The following HYOU1 variants were observed in gnomAD, a reference collection of about 807,000 sequenced individuals.
HYOU1 encodes hypoxia up-regulated protein 1.
In HYOU1, 40 loss-of-function variants were observed where a neutral mutation model predicts 120.5. That is an observed-to-expected ratio of 0.33 (90% CI 0.26 to 0.43). The LOEUF (loss-of-function observed/expected upper bound fraction) is 0.43, where lower values mean the gene tolerates loss of function less well. HYOU1 is among the 20% of genes least tolerant of loss of function. The probability of loss-of-function intolerance (pLI) is 1.00; values close to 1 mark genes in which losing one functional copy is unlikely to be tolerated. For synonymous variants in HYOU1, 501 were observed against 479.4 expected, an observed-to-expected ratio of 1.05 and a Z score of -0.59; for missense variants, 1,085 against 1,278.3, an observed-to-expected ratio of 0.85 and a Z score of 2.31.
At position 119,046,564 on chromosome 11, in the gene HYOU1, G is replaced by C; in HGVS notation, c.2834C>G (p.Ala945Gly). The C allele has an allele frequency of 6.2e-7, 1 of 1,613,834 alleles. No individual in the cohort carries two copies. The highest frequency in any genetic ancestry group is 1.1e-5 in the South Asian group (1 of 91,052). Residue 945 changes from alanine to glycine, a missense_variant and splice_region_variant, in exon 23 of 26, where the codon GCA becomes GGA. Coordinates refer to ENST00000617285, the MANE Select transcript of HYOU1 (RefSeq NM_006389.5). ...SDQGEKVIPP[A>G]GQTEDAEPIS... ...GCAGCCAGGTACCCTGTTCTCACCT[G>C]CTGGAGGGATGACCTTCTCCCCCTG... is the stretch of plus-strand genomic sequence containing the variant.
In HYOU1 at chr11:119,046,685, G is replaced by C. The variant is rs2133552372; in HGVS notation, c.2713C>G (p.Leu905Val). The change falls in exon 23 of 26, where the codon CTG becomes GTG. Residue 905 changes from leucine to valine, a missense_variant. This residue lies in a region of HYOU1 where 516 missense variants were observed against 517.1 expected (regional missense o/e 1.00). Transcript: ENST00000617285. ...MMALDREVQY[L>V]LNKAKFTKPR... Reference sequence around the variant, plus strand: ...TTGGTAAACTTGGCCTTATTGAGCAGATACTGCACCTCTCGGTCCAGGGCC... The same window carrying C: ...TTGGTAAACTTGGCCTTATTGAGCACATACTGCACCTCTCGGTCCAGGGCC... 3 of 1,614,042 alleles carry C rather than the reference G, an allele frequency of 1.9e-6. No individual in the cohort carries two copies. Among genetic ancestry groups the C allele is most frequent in the Non-Finnish European group, 2.5e-6 (3 of 1,180,044 alleles).
At chr11:119,049,899 T>C in intron 14 of HYOU1, 62 bp from the exon 15 acceptor site, 1 of 1,460,402 alleles carries the variant, frequency 6.8e-7, no homozygotes, top group Non-Finnish European at 9.6e-7. Context: ...CACAAACATC[T>C]GCCAAAGTGG....
At position 119,057,100 on chromosome 11, in the gene HYOU1, C is replaced by G. The variant is rs1592163107; in HGVS notation, c.-88G>C. ...CCACGAGGCCGGCAGCGCCCCCCAC[C>G]CGCGCCCTTCACAACTCCTCTCGGT... is the stretch of plus-strand genomic sequence containing the variant. On this transcript the variant is annotated 5_prime_UTR_variant, in exon 1 of 26. Coordinates refer to ENST00000617285, the MANE Select transcript of HYOU1 (RefSeq NM_006389.5). 1 of 152,384 alleles carries G rather than the reference C, an allele frequency of 6.6e-6. No homozygotes were observed. The allele number at this position is 152,384 out of a possible 1,614,324, so 9.4% of individuals were successfully genotyped here. A position where few individuals can be genotyped will look rare whatever the true frequency, so the allele number is the denominator to read the frequency against.
In HYOU1 at chr11:119,050,719, C is replaced by CAAAA. The variant is rs1944379626; in HGVS notation, c.1665+315_1665+316insTTTT. Among the ~76,000 whole-genome samples, 26 of 52,872 alleles carry CAAAA rather than the reference C, an allele frequency of 4.9e-4. 11 individuals carry two copies. The highest frequency in any genetic ancestry group is 1.4e-3 in the Admixed American group (6 of 4,168). 34.7% of individuals were successfully genotyped at this position (52,872 alleles called of 152,430 possible). A position where few individuals can be genotyped will look rare whatever the true frequency, so the allele number is the denominator to read the frequency against. On this transcript the variant is annotated intron_variant, in intron 14 of 25. Coordinates refer to ENST00000617285, the MANE Select transcript of HYOU1 (RefSeq NM_006389.5). ...TTAAGTAACAGAGCCAAGACCCTCT[C>CAAAA]CAAAAAAAAAAAAAAAAAAAAAAAA... is the stretch of plus-strand genomic sequence containing the variant.
rs2133551466 is a variant in HYOU1, at chr11:119,046,608, G to A, written c.2790C>T (p.Leu930=). 1 of 1,614,176 alleles carries A rather than the reference G, an allele frequency of 6.2e-7. No homozygotes were observed. The highest frequency in any genetic ancestry group is 1.1e-5 in the South Asian group (1 of 91,082). The stretch of plus-strand genomic sequence containing the variant: ...CCCCCTGGTCACTGGCACTGGCATT[G>A]AGGGGTGGCTCTGCCCGGGTCCCAT... The part of the protein sequence containing the change: ...DKNGTRAEPP[L]NASASDQGEK... The change falls in exon 23 of 26, where the codon CTC becomes CTT. Residue 930 remains leucine, a synonymous_variant. Coordinates refer to ENST00000617285, the MANE Select transcript of HYOU1 (RefSeq NM_006389.5).
rs200929756 is a variant in HYOU1, at chr11:119,044,819, G to A, written c.*774C>T. On this transcript the variant is annotated 3_prime_UTR_variant, in exon 26 of 26. Transcript: ENST00000617285. ...ATTATGACAGAGCTTGCACGATGCT[G>A]GCACCCCATGCCAACCACTCTACGT... 3 of 250,328 alleles carry A rather than the reference G, an allele frequency of 1.2e-5. No individual in the cohort carries two copies. The East Asian group carries it at 2.6e-4, about 22-fold the overall frequency. The allele number at this position is 250,328 out of a possible 1,614,324, so 15.5% of individuals were successfully genotyped here.
intron 14 of HYOU1, among the ~76,000 whole-genome samples, chr11:119,050,134 G>A (rs1005009874): frequency 4.6e-5 from 7 of 152,208 alleles, no homozygotes; most frequent in Non-Finnish European, 7.3e-5. Context: ...ATTCCTGGCC[G>A]AGTGCAGTGG....
In HYOU1 at chr11:119,056,474, G is replaced by A. The variant is rs534593129; in HGVS notation, c.-7-307C>T. 161 of 470,818 alleles carry A rather than the reference G, an allele frequency of 3.4e-4. 4 individuals are homozygous for A. The highest frequency in any genetic ancestry group is 2.6e-3 in the South Asian group (160 of 60,762). 29.2% of individuals were successfully genotyped at this position (470,818 alleles called of 1,614,324 possible). ...CTTTTGTCCACCACACAGGCAGTGA[G>A]TGGCGCACCGCAGCACTGTGCCTGT... On this transcript the variant is annotated intron_variant, in intron 1 of 25. Transcript: ENST00000617285.
chr11:119,054,393 G>A (rs1205292027), intron 7 of HYOU1, 101 bp downstream of exon 7: 1 of 1,342,098 alleles, frequency 7.5e-7, no homozygotes, highest in Non-Finnish European at 1.1e-6. Flanking sequence ...ATTTTGCCAA[G>A]GGTCAGCCCA....
chr11:119,052,206 T>A lies in HYOU1; in HGVS notation c.1123-34A>T. 6.2e-7 allele frequency: 1 copy of A among 1,613,706 alleles called. No individual in the cohort carries two copies. Among genetic ancestry groups the A allele is most frequent in the Non-Finnish European group, 8.5e-7 (1 of 1,179,608 alleles). On this transcript the variant is annotated intron_variant, in intron 10 of 25. Transcript: ENST00000617285. This position sits in a 1 kb window ranked among gnomAD's most constrained non-coding sequence, Gnocchi z 5.0. Reference sequence around the variant, plus strand: ...GGTAAGAATGACAGGTGCAACAGCATGCAGTTAGCACTGACTCGTCCCTTG... The same window carrying A: ...GGTAAGAATGACAGGTGCAACAGCAAGCAGTTAGCACTGACTCGTCCCTTG...
At position 119,055,738 on chromosome 11, in the gene HYOU1, G is replaced by C; in HGVS notation, c.185+12C>G. The stretch of plus-strand genomic sequence containing the variant: ...CCTCGTTCCCCACCCTTAACACGGG[G>C]GCCACCCTCACTTATTCAAGACAAT... On this transcript the variant is annotated intron_variant, in intron 3 of 25. Transcript: ENST00000617285. This position sits in a 1 kb window ranked among gnomAD's most constrained non-coding sequence, Gnocchi z 4.0. 1 of 1,610,362 alleles carries C rather than the reference G, an allele frequency of 6.2e-7. No homozygotes were observed. Among genetic ancestry groups the C allele is most frequent in the African/African-American group, 1.3e-5 (1 of 74,914 alleles).
In HYOU1 at chr11:119,047,815, C is replaced by A. The variant is rs1451157255; in HGVS notation, c.2514G>T (p.Gly838=). The change falls in exon 22 of 26, where the codon GGG becomes GGT. Residue 838 remains glycine, a synonymous_variant. Coordinates refer to ENST00000617285, the MANE Select transcript of HYOU1 (RefSeq NM_006389.5). ...LLNHSSMFLK[G]ARLIPEMDQI... is the part of the protein sequence containing the mutation. The stretch of plus-strand genomic sequence containing the variant: ...GGTCCATCTCTGGGATGAGCCGGGC[C>A]CCCCTGGAAGCCAGAAAGGAGACCA... The A allele has an allele frequency of 6.2e-7, 1 of 1,613,826 alleles. No individual in the cohort carries two copies. Among genetic ancestry groups the A allele is most frequent in the East Asian group, 2.2e-5 (1 of 44,890 alleles).
Position 119,052,504 on chromosome 11 carries a change from A to AGG in HYOU1, c.988-76_988-75insCC. ...CTTGGTGAGTAGGACAGAAACAAAA[A>AGG]GAATAGGTCTTTGGGAGGATGGTAG... On this transcript the variant is annotated intron_variant, in intron 9 of 25. Transcript: ENST00000617285. This position sits in a 1 kb window ranked among gnomAD's most constrained non-coding sequence, Gnocchi z 5.0. 6.2e-7 allele frequency: 1 copy of AGG among 1,605,182 alleles called. No individual in the cohort carries two copies. The highest frequency in any genetic ancestry group is 1.1e-5 in the South Asian group (1 of 90,142).
Position 119,051,699 on chromosome 11 carries a change from G to GGGTAAGCCTCGAAGTAC in HYOU1, c.1339-75_1339-74insGTACTTCGAGGCTTACC. ...AGTAGGTTCTGGGGTAAGGATGGGG[G>GGGTAAGCCTCGAAGTAC]TGGGATGGGGGAGACCTCTTAGCAG... On this transcript the variant is annotated intron_variant, in intron 12 of 25. Transcript: ENST00000617285. The surrounding 1 kb of genome is among the most constrained non-coding windows in gnomAD (Gnocchi z 4.2). 6.3e-7 allele frequency: 1 copy of GGGTAAGCCTCGAAGTAC among 1,593,402 alleles called. No homozygotes were observed. The highest frequency in any genetic ancestry group is 1.1e-5 in the South Asian group (1 of 89,604).
At position 119,052,589 on chromosome 11, in the gene HYOU1, C is replaced by T. The variant is rs1243832013; in HGVS notation, c.987+48G>A. ...CCCAGTTCAGTGGCAGGGTCCCCCA[C>T]CCTCTACGTGGGACAAAATATAGCC... is the stretch of plus-strand genomic sequence containing the variant. On this transcript the variant is annotated intron_variant, in intron 9 of 25. Transcript: ENST00000617285. The surrounding 1 kb of genome is among the most constrained non-coding windows in gnomAD (Gnocchi z 5.0). 1.9e-6 allele frequency: 3 copies of T among 1,580,820 alleles called. No homozygotes were observed. Among genetic ancestry groups the T allele is most frequent in the Admixed American group, 3.5e-5 (2 of 57,932 alleles).
rs2133558193 is a variant in HYOU1 at position 119,047,793 on chromosome 11, C to T, written c.2536G>A (p.Asp846Asn). ...LKGARLIPEM[D>N]QIFTEVEMTT... ...ATCTCCACCTCAGTGAAGATCTGGT[C>T]CATCTCTGGGATGAGCCGGGCCCCC... Residue 846 changes from aspartate (D) to asparagine (N), a missense_variant, in exon 22 of 26, where the codon GAC (aspartate) becomes AAC (asparagine). Asp to Asn is a conservative substitution (Grantham distance 23). Coordinates refer to ENST00000617285, the MANE Select transcript of HYOU1 (RefSeq NM_006389.5). 2 of 1,613,976 alleles carry T rather than the reference C, an allele frequency of 1.2e-6. No homozygotes were observed. The highest frequency in any genetic ancestry group is 3.3e-5 in the Admixed American group (2 of 60,006).
Position 119,051,525 on chromosome 11 carries a change from T to C in HYOU1, c.1439A>G (p.Lys480Arg). 1.2e-6 allele frequency: 2 copies of C among 1,614,074 alleles called. No individual in the cohort carries two copies. Among genetic ancestry groups the C allele is most frequent in the Non-Finnish European group, 1.7e-6 (2 of 1,180,018 alleles). Residue 480 changes from lysine (K) to arginine (R), a missense_variant, in exon 13 of 26, where the codon AAA (lysine) becomes AGA (arginine). Transcript: ENST00000617285. This position sits in a 1 kb window ranked among gnomAD's most constrained non-coding sequence, Gnocchi z 4.2. The part of the protein sequence containing the change: ...FSRMGPYPQR[K>R]VITFNRYSHD... ...GCTGTAGCGGTTAAAGGTGATGACT[T>C]TGCGTTGAGGGTAGGGCCCCATCCG...
In HYOU1 at chr11:119,052,875, T is replaced by C. The variant is rs2133596446; in HGVS notation, c.795-46A>G. ...GGAAAAAAGTGAAGAACACATGGAG[T>C]CCCCGCATCTGCACAGGAGCCTCTC... On this transcript the variant is annotated intron_variant, in intron 8 of 25. Transcript: ENST00000617285. This position sits in a 1 kb window ranked among gnomAD's most constrained non-coding sequence, Gnocchi z 5.0. 6 of 1,543,848 alleles carry C rather than the reference T, an allele frequency of 3.9e-6. No individual in the cohort carries two copies. The African/African-American group carries it at 5.5e-5, about 14-fold the overall frequency.
Position 119,051,947 on chromosome 11 carries a change from C to G in HYOU1, c.1210G>C (p.Glu404Gln). The G allele has an allele frequency of 1.9e-6, 3 of 1,614,174 alleles. No homozygotes were observed. ...EVLLKAVGKE[E>Q]LGKNINADEA... Reference sequence around the variant, plus strand: ...TCTGCATTGATGTTCTTCCCCAGCTCCTCCCTGGGAAAGCCCCAAGCCTCA... The same window carrying G: ...TCTGCATTGATGTTCTTCCCCAGCTGCTCCCTGGGAAAGCCCCAAGCCTCA... The change falls in exon 12 of 26, where the codon GAG (glutamate) becomes CAG (glutamine). Residue 404 changes from glutamate (E) to glutamine (Q), a missense_variant. Glu to Gln is a conservative substitution (Grantham distance 29, BLOSUM62 2). Transcript: ENST00000617285. The surrounding 1 kb of genome is among the most constrained non-coding windows in gnomAD (Gnocchi z 4.2).
Sources: allele counts gnomAD v4.1 joint callset (sites outside exome capture counted in the v4.1 genomes callset), GRCh38; gene constraint gnomAD v4.1.1; regional missense constraint gnomAD v4.1.1; non-coding constraint Gnocchi (gnomAD v3.1); transcripts MANE v1.5; gene names NCBI Gene and HGNC (gene_info 2026-07-23, HGNC 2026-07-21).